GJA3: variants seen among roughly 807,000 people sequenced by gnomAD.
The protein encoded by GJA3 is gap junction alpha-3 protein.
For missense variants in GJA3, 571 were observed against 620.3 expected, an observed-to-expected ratio of 0.92 and a Z score of 0.84; for synonymous variants, 297 against 292.6, an observed-to-expected ratio of 1.02 and a Z score of -0.15.
rs1490439510 is a variant in GJA3 at position 20,140,149 on chromosome 13, GAA to G, written c.*1830_*1831del. 1 of 152,120 alleles carries G rather than the reference GAA, an allele frequency of 6.6e-6. No homozygotes were observed. Among genetic ancestry groups the G allele is most frequent in the Non-Finnish European group, 1.5e-5 (1 of 68,032 alleles). The allele number at this position is 152,120 out of a possible 1,614,324, so 9.4% of individuals were successfully genotyped here. A position where few individuals can be genotyped will look rare whatever the true frequency, so the allele number is the denominator to read the frequency against. On this transcript the variant is annotated 3_prime_UTR_variant, in exon 2 of 2. Coordinates refer to ENST00000241125, the MANE Select transcript of GJA3 (RefSeq NM_021954.4). ...TATGCACCAGCCTGGAGAGGAGTGA[GAA>G]AGTCACTCACAGTTTTCCAAAGGGC...
At position 20,143,001 on chromosome 13, in the gene GJA3, C is replaced by A. The variant is rs1331270100; in HGVS notation, c.288G>T (p.Val96=). 6.2e-7 allele frequency: 1 copy of A among 1,605,842 alleles called. No homozygotes were observed. The change falls in exon 2 of 2, where the codon GTG becomes GTT. Residue 96 remains valine, a synonymous_variant. Coordinates refer to ENST00000241125, the MANE Select transcript of GJA3 (RefSeq NM_021954.4). ...TCTCTTCCATGCGCACGATGTGCAG[C>A]ACGTGGCCCAGGTAGATGAGGGTGG... ...STPTLIYLGH[V]LHIVRMEEKK... is the part of the protein sequence containing the mutation.
At chr13:20,143,631 T>G (rs1372952400) in intron 1 of GJA3, among the ~76,000 whole-genome samples, 1 of 152,254 alleles carries the variant, frequency 6.6e-6, no homozygotes, top group Non-Finnish European at 1.5e-5. Flanking sequence ...TGCGGCCCCT[T>G]AGGCCACTTC....
At position 20,148,253 on chromosome 13, in the gene GJA3, CTTT is replaced by C. The variant is rs71074204; in HGVS notation, c.-17-4951_-17-4949del. ...GGGGCATTTTACCAATACTATGGTTCTTTTTTTTTTTTTTTTTTTTTTGAGACA... is the reference window on the plus strand; with the variant it reads ...GGGGCATTTTACCAATACTATGGTTCTTTTTTTTTTTTTTTTTTTGAGACA... On this transcript the variant is annotated intron_variant, in intron 1 of 1. Coordinates refer to ENST00000241125, the MANE Select transcript of GJA3 (RefSeq NM_021954.4). 1.3e-3 allele frequency among the ~76,000 whole-genome samples: 115 copies of C among 90,722 alleles called. 1 individual carries two copies. The highest frequency in any genetic ancestry group is 5.8e-3 in the Middle Eastern group (1 of 172). The allele number at this position is 90,722 out of a possible 152,430, so 59.5% of individuals were successfully genotyped here. A position where few individuals can be genotyped will look rare whatever the true frequency, so the allele number is the denominator to read the frequency against.
chr13:20,151,958 G>C (rs567398588), intron 1 of GJA3, among the ~76,000 whole-genome samples: 1 of 152,300 alleles, frequency 6.6e-6, no homozygotes, highest in East Asian at 1.9e-4. Flanking sequence ...CCCCTGGGCT[G>C]GTGTCGGGAG....
In GJA3 at chr13:20,147,060, G is replaced by A. The variant is rs375624496; in HGVS notation, c.-17-3755C>T. On this transcript the variant is annotated intron_variant, in intron 1 of 1. Transcript: ENST00000241125. ...TCCAGTGAGTTGTAAGATGTCTGCT[G>A]GGGAATGTCTGGGAAAGCTTTGGTT... Among the ~76,000 whole-genome samples the A allele has an allele frequency of 3.9e-5, 6 of 152,346 alleles. No homozygotes were observed. In the East Asian group the frequency reaches 9.6e-4, roughly 24 times the overall value.
Position 20,143,187 on chromosome 13 carries a change from G to A in GJA3, c.102C>T (p.Ile34=). The change falls in exon 2 of 2, where the codon ATC becomes ATT. Residue 34 remains isoleucine, a synonymous_variant. Coordinates refer to ENST00000241125, the MANE Select transcript of GJA3 (RefSeq NM_021954.4). ...CCTCCGCCGCGGCCCCCAGCACCAA[G>A]ATGCGGAAGATGAACAGCACGGTCA... ...VWLTVLFIFR[I]LVLGAAAEDV... 6.3e-7 allele frequency: 1 copy of A among 1,596,456 alleles called. No homozygotes were observed. Among genetic ancestry groups the A allele is most frequent in the Non-Finnish European group, 8.5e-7 (1 of 1,169,806 alleles).
rs1566514945 is a variant in GJA3 at position 20,142,744 on chromosome 13, T to TC, written c.544dup (p.Asp182GlyfsTer144). The TC allele has an allele frequency of 6.2e-7, 1 of 1,613,710 alleles. No individual in the cohort carries two copies. Among genetic ancestry groups the TC allele is most frequent in the Non-Finnish European group, 8.5e-7 (1 of 1,179,950 alleles). On this transcript the variant is annotated frameshift_variant, in exon 2 of 2. Transcript: ENST00000241125. LOFTEE classifies it low-confidence loss of function (END_TRUNC). The stretch of plus-strand genomic sequence containing the variant: ...CACCGTGTTGGGGCAGGGCCAGCGG[T>TC]CGCAGCGGTAGAGCGGCTTCAGCTC...
chr13:20,144,745 C>T (rs1958832288), intron 1 of GJA3, among the ~76,000 whole-genome samples: 1 of 152,176 alleles, frequency 6.6e-6, no homozygotes, highest in Non-Finnish European at 1.5e-5. Flanking sequence ...GATGGCATCC[C>T]GTGTCGCTGC....
chr13:20,141,165 G>C lies in GJA3; in HGVS notation c.*816C>G, dbSNP rs1161118379. The C allele has an allele frequency of 1.3e-5, 2 of 152,220 alleles. No individual in the cohort carries two copies. Among genetic ancestry groups the C allele is most frequent in the African/African-American group, 4.8e-5 (2 of 41,456 alleles). The allele number at this position is 152,220 out of a possible 1,614,324, so 9.4% of individuals were successfully genotyped here. On this transcript the variant is annotated 3_prime_UTR_variant, in exon 2 of 2. Coordinates refer to ENST00000241125, the MANE Select transcript of GJA3 (RefSeq NM_021954.4). Reference sequence around the variant, plus strand: ...TTTCTTTCATTTTTCCTGAAAGAAAGTGGGAGAAAATAGGCATAGCTGCAC... The same window carrying C: ...TTTCTTTCATTTTTCCTGAAAGAAACTGGGAGAAAATAGGCATAGCTGCAC...
At position 20,142,164 on chromosome 13, in the gene GJA3, C is replaced by T; in HGVS notation, c.1125G>A (p.Leu375=). The part of the protein sequence containing the change: ...EAEAGAAPLL[L]DGSGSSLEGS... ...CCTCCAGACTGCTGCCGCTCCCATC[C>T]AGCAGCAGGGGCGCCGCGCCCGCCT... The change falls in exon 2 of 2, where the codon CTG becomes CTA. Residue 375 remains leucine (L), a synonymous_variant. Coordinates refer to ENST00000241125, the MANE Select transcript of GJA3 (RefSeq NM_021954.4). 6.6e-7 allele frequency: 1 copy of T among 1,518,840 alleles called. No individual in the cohort carries two copies. Among genetic ancestry groups the T allele is most frequent in the African/African-American group, 1.4e-5 (1 of 71,490 alleles). 94.1% of individuals were successfully genotyped at this position (1,518,840 alleles called of 1,614,324 possible).
intron 1 of GJA3, among the ~76,000 whole-genome samples, chr13:20,147,783 C>G (rs989135346): frequency 6.6e-6 from 1 of 152,168 alleles, no homozygotes; most frequent in Admixed American, 6.5e-5. Flanking sequence ...GGTTTCTACT[C>G]TGTTCATTGC....
At chr13:20,151,935 A>G (rs1295972712) in intron 1 of GJA3, among the ~76,000 whole-genome samples, 1 of 152,094 alleles carries the variant, frequency 6.6e-6, no homozygotes, top group Non-Finnish European at 1.5e-5. Flanking sequence ...GGTGTGAGAA[A>G]AGGCCCGGCA....
Position 20,141,190 on chromosome 13 carries a change from C to T in GJA3, c.*791G>A, listed in dbSNP as rs899292321. 1 of 152,212 alleles carries T rather than the reference C, an allele frequency of 6.6e-6. No homozygotes were observed. The highest frequency in any genetic ancestry group is 1.5e-5 in the Non-Finnish European group (1 of 68,040). 9.4% of individuals were successfully genotyped at this position (152,212 alleles called of 1,614,324 possible). On this transcript the variant is annotated 3_prime_UTR_variant, in exon 2 of 2. Coordinates refer to ENST00000241125, the MANE Select transcript of GJA3 (RefSeq NM_021954.4). ...GTGGGAGAAAATAGGCATAGCTGCA[C>T]CATTCAAAGCACAAAATAATCATTT...
In GJA3 at chr13:20,139,492, G is replaced by A. The variant is rs1045204607; in HGVS notation, c.*2489C>T. Reference sequence around the variant, plus strand: ...TAGAGAACAATTCCACACTGCCTGAGAGAGAAGGACCCAGCCTTTAGAATC... The same window carrying A: ...TAGAGAACAATTCCACACTGCCTGAAAGAGAAGGACCCAGCCTTTAGAATC... On this transcript the variant is annotated 3_prime_UTR_variant, in exon 2 of 2. Coordinates refer to ENST00000241125, the MANE Select transcript of GJA3 (RefSeq NM_021954.4). 2.0e-5 allele frequency: 3 copies of A among 152,150 alleles called. No individual in the cohort carries two copies. 9.4% of individuals were successfully genotyped at this position (152,150 alleles called of 1,614,324 possible). A position where few individuals can be genotyped will look rare whatever the true frequency, so the allele number is the denominator to read the frequency against.
Position 20,141,512 on chromosome 13 carries a change from A to C in GJA3, c.*469T>G. 2 of 153,636 alleles carry C rather than the reference A, an allele frequency of 1.3e-5. No individual in the cohort carries two copies. Among genetic ancestry groups the C allele is most frequent in the East Asian group, 1.9e-4 (1 of 5,216 alleles). The allele number at this position is 153,636 out of a possible 1,614,324, so 9.5% of individuals were successfully genotyped here. A position where few individuals can be genotyped will look rare whatever the true frequency, so the allele number is the denominator to read the frequency against. On this transcript the variant is annotated 3_prime_UTR_variant, in exon 2 of 2. Transcript: ENST00000241125. ...AATATCCCAAATGAAATTCAACTCT[A>C]AGTTAAAAGTATCAAAGAGATAGAG...
In GJA3 at chr13:20,151,218, G is replaced by A. The variant is rs375017506; in HGVS notation, c.-17-7913C>T. ...TGCTGACAAGACTCTTGTCAGTGGG[G>A]TCAAAGAGGAGGTCACCTCCTCAGG... On this transcript the variant is annotated intron_variant, in intron 1 of 1. Transcript: ENST00000241125. 3.8e-4 allele frequency among the ~76,000 whole-genome samples: 58 copies of A among 152,220 alleles called. 1 individual carries two copies. The South Asian group carries it at 0.012, about 30-fold the overall frequency.
Position 20,141,857 on chromosome 13 carries a change from G to T in GJA3, c.*124C>A. 3 of 1,401,596 alleles carry T rather than the reference G, an allele frequency of 2.1e-6. No homozygotes were observed. The South Asian group carries it at 4.1e-5, about 19-fold the overall frequency. The allele number at this position is 1,401,596 out of a possible 1,614,324, so 86.8% of individuals were successfully genotyped here. ...ATCTCTCCTCCATCGTCCACCTCCT[G>T]GGACTCCAGTCGCTCCCACCTCCTG... is the stretch of plus-strand genomic sequence containing the variant. On this transcript the variant is annotated 3_prime_UTR_variant, in exon 2 of 2. Transcript: ENST00000241125.
rs1357857129 is a variant in GJA3, at chr13:20,141,223, A to T, written c.*758T>A. 1 of 152,238 alleles carries T rather than the reference A, an allele frequency of 6.6e-6. No individual in the cohort carries two copies. The highest frequency in any genetic ancestry group is 1.5e-5 in the Non-Finnish European group (1 of 68,040). The allele number at this position is 152,238 out of a possible 1,614,324, so 9.4% of individuals were successfully genotyped here. A position where few individuals can be genotyped will look rare whatever the true frequency, so the allele number is the denominator to read the frequency against. ...AGCACAAAATAATCATTTAGAAAAT[A>T]AATACCTACGGCATACCCGACACAC... On this transcript the variant is annotated 3_prime_UTR_variant, in exon 2 of 2. Coordinates refer to ENST00000241125, the MANE Select transcript of GJA3 (RefSeq NM_021954.4).
chr13:20,151,157 T>G (rs1958874886), intron 1 of GJA3, among the ~76,000 whole-genome samples: 1 of 151,892 alleles, frequency 6.6e-6, no homozygotes, highest in African/African-American at 2.4e-5. Flanking sequence ...CAGGAGGCAG[T>G]CAGTGAGGGC....
Sources: allele counts gnomAD v4.1 joint callset (sites outside exome capture counted in the v4.1 genomes callset), GRCh38; gene constraint gnomAD v4.1.1; transcripts MANE v1.5; gene names NCBI Gene and HGNC (gene_info 2026-07-23, HGNC 2026-07-21).